Variants in GPR83 observed in about 807,000 individuals in gnomAD.
GPR83 encodes the protein G-protein coupled receptor 72.
GPR83 carries 23 observed loss-of-function variants against 28.0 expected under a neutral mutation model. That is an observed-to-expected ratio of 0.82 (90% CI 0.59 to 1.16). GPR83 has a LOEUF of 1.16. GPR83 is among the 50% of genes most tolerant of loss of function. GPR83 has a pLI of 0.00. For synonymous variants in GPR83, 234 were observed against 215.4 expected (o/e 1.09, Z -0.76); for missense variants, 610 against 536.6 (o/e 1.14, Z -1.35).
At position 94,380,420 on chromosome 11, in the gene GPR83, G is replaced by T. The variant is rs969953022; in HGVS notation, c.1001C>A (p.Ala334Asp). 4 of 1,614,074 alleles carry T rather than the reference G, an allele frequency of 2.5e-6. No individual in the cohort carries two copies. Among genetic ancestry groups the T allele is most frequent in the African/African-American group, 1.3e-5 (1 of 74,932 alleles). ...NALYFAFHWF[A>D]MSSTCYNPFI... ...GGGGTTATAGCAGGTGCTGCTCATGGCAAACCAGTGGAAGGCAAAGTAGAG... is the reference window on the plus strand; with the variant it reads ...GGGGTTATAGCAGGTGCTGCTCATGTCAAACCAGTGGAAGGCAAAGTAGAG... The change falls in exon 4 of 4, where the codon GCC becomes GAC. Residue 334 changes from alanine to aspartate, a missense_variant. Physicochemically the swap from Ala to Asp is moderately radical, Grantham distance 126. Transcript: ENST00000243673.
At position 94,380,460 on chromosome 11, in the gene GPR83, G is replaced by T; in HGVS notation, c.961C>A (p.Arg321Ser). The change falls in exon 4 of 4, where the codon CGC becomes AGC. Residue 321 changes from arginine to serine, a missense_variant. Transcript: ENST00000243673. Reference protein sequence around the residue: ...YVLLLSSKVIRTNNALYFAFH... With the variant: ...YVLLLSSKVISTNNALYFAFH... ...GCAAAGTAGAGGGCATTGTTGGTGCGGATGACCTTGCTGGACAGGAGGAGG... is the reference window on the plus strand; with the variant it reads ...GCAAAGTAGAGGGCATTGTTGGTGCTGATGACCTTGCTGGACAGGAGGAGG... 1 of 1,614,094 alleles carries T rather than the reference G, an allele frequency of 6.2e-7. No individual in the cohort carries two copies. Among genetic ancestry groups the T allele is most frequent in the Non-Finnish European group, 8.5e-7 (1 of 1,179,934 alleles).
At position 94,380,471 on chromosome 11, in the gene GPR83, C is replaced by T. The variant is rs1944674867; in HGVS notation, c.950G>A (p.Ser317Asn). Residue 317 changes from serine (S) to asparagine (N), a missense_variant, in exon 4 of 4, where the codon AGC becomes AAC. Coordinates refer to ENST00000243673, the MANE Select transcript of GPR83 (RefSeq NM_016540.4). ...GGCATTGTTGGTGCGGATGACCTTG[C>T]TGGACAGGAGGAGGACGTAGCAGTT... ...PLNCYVLLLS[S>N]KVIRTNNALY... The T allele has an allele frequency of 6.2e-7, 1 of 1,614,148 alleles. No homozygotes were observed. The highest frequency in any genetic ancestry group is 8.5e-7 in the Non-Finnish European group (1 of 1,179,984).
At chr11:94,390,427 G>A (rs190979452) in intron 3 of GPR83, among the ~76,000 whole-genome samples, 13 of 152,110 alleles carry the variant, frequency 8.5e-5, no homozygotes, top group Admixed American at 2.0e-4. Context: ...TAAGGATGCC[G>A]TCTCTCACCA....
At chr11:94,386,057 GA>G (rs1179207252) in intron 3 of GPR83, among the ~76,000 whole-genome samples, 1 of 152,172 alleles carries the variant, frequency 6.6e-6, no homozygotes, top group Non-Finnish European at 1.5e-5. Context: ...CACTCTTAAA[GA>G]AAAGAATTTT....
chr11:94,381,657 C>G (rs1591600329), intron 3 of GPR83, among the ~76,000 whole-genome samples: 1 of 151,792 alleles, frequency 6.6e-6, no homozygotes, highest in South Asian at 2.1e-4. Context: ...GAGAACCAAC[C>G]CCCCAGGAAG....
At chr11:94,388,861 G>T (rs1944785556) in intron 3 of GPR83, among the ~76,000 whole-genome samples, 1 of 152,120 alleles carries the variant, frequency 6.6e-6, no homozygotes, top group Non-Finnish European at 1.5e-5. Context: ...AGCCCACATT[G>T]CCAAGTCAAT....
Position 94,379,828 on chromosome 11 carries a change from C to T in GPR83, c.*321G>A. 2 of 204,554 alleles carry T rather than the reference C, an allele frequency of 9.8e-6. No individual in the cohort carries two copies. Among genetic ancestry groups the T allele is most frequent in the Non-Finnish European group, 9.8e-6 (1 of 101,574 alleles). 12.7% of individuals were successfully genotyped at this position (204,554 alleles called of 1,614,324 possible). On this transcript the variant is annotated 3_prime_UTR_variant, in exon 4 of 4. Transcript: ENST00000243673. ...AGGAAGGGCTGTAAGGCAGCAGCTGCCCCACAGATGGAGGCAGTTGAATGA... is the reference window on the plus strand; with the variant it reads ...AGGAAGGGCTGTAAGGCAGCAGCTGTCCCACAGATGGAGGCAGTTGAATGA...
chr11:94,389,740 A>T (rs555331078), intron 3 of GPR83, among the ~76,000 whole-genome samples: 5 of 152,242 alleles, frequency 3.3e-5, no homozygotes, highest in Non-Finnish European at 7.3e-5. Context: ...AACTAGTTCA[A>T]CCACTGTGGA....
At chr11:94,382,485 A>C (rs1944703019) in intron 3 of GPR83, among the ~76,000 whole-genome samples, 1 of 152,160 alleles carries the variant, frequency 6.6e-6, no homozygotes, top group Admixed American at 6.6e-5. Flanking sequence ...AAAGCTAACT[A>C]TCCTAAATAT....
intron 3 of GPR83, among the ~76,000 whole-genome samples, chr11:94,386,711 C>A (rs1944760804): frequency 6.6e-6 from 1 of 152,150 alleles, no homozygotes; most frequent in African/African-American, 2.4e-5. Flanking sequence ...GACTTAGACT[C>A]CCACACAATA....
At position 94,380,086 on chromosome 11, in the gene GPR83, T is replaced by G; in HGVS notation, c.*63A>C. 7.7e-7 allele frequency: 1 copy of G among 1,295,976 alleles called. No homozygotes were observed. The allele number at this position is 1,295,976 out of a possible 1,614,324, so 80.3% of individuals were successfully genotyped here. A position where few individuals can be genotyped will look rare whatever the true frequency, so the allele number is the denominator to read the frequency against. On this transcript the variant is annotated 3_prime_UTR_variant, in exon 4 of 4. Transcript: ENST00000243673. ...GCACTCTGAAGATCATGTGTGAGAA[T>G]AGGCTCTCTTTCCCTGCCTCAGGTG... is the stretch of plus-strand genomic sequence containing the variant.
At chr11:94,400,815 G>A in intron 1 of GPR83, 46 bp downstream of exon 1, 1 of 1,584,334 alleles carries the variant, frequency 6.3e-7, no homozygotes, top group Non-Finnish European at 8.6e-7. Flanking sequence ...AGAGAGGAAA[G>A]GGAGACGAAG....
At chr11:94,398,161 C>T (rs1180258818) in intron 1 of GPR83, among the ~76,000 whole-genome samples, 1 of 152,162 alleles carries the variant, frequency 6.6e-6, no homozygotes, top group African/African-American at 2.4e-5. Flanking sequence ...AACAGCTTTC[C>T]CAGTTCTCCA....
intron 3 of GPR83, among the ~76,000 whole-genome samples, chr11:94,385,351 T>A (rs1944742480): frequency 6.6e-6 from 1 of 152,204 alleles, no homozygotes. Flanking sequence ...GGACGGAGAA[T>A]GACTTTGATG....
intron 3 of GPR83, among the ~76,000 whole-genome samples, chr11:94,390,065 C>G (rs1296383968): frequency 6.6e-6 from 1 of 151,530 alleles, no homozygotes; most frequent in Non-Finnish European, 1.5e-5. Context: ...CAAACTATCA[C>G]AAGGACAAAA....
intron 2 of GPR83, among the ~76,000 whole-genome samples, chr11:94,394,519 AG>A (rs1290627594): frequency 2.0e-5 from 3 of 152,186 alleles, no homozygotes; most frequent in Non-Finnish European, 4.4e-5. Context: ...TTTTTGAAAA[AG>A]GCATTTGGGA....
At chr11:94,397,785 C>T (rs1944879631) in intron 1 of GPR83, among the ~76,000 whole-genome samples, 1 of 152,170 alleles carries the variant, frequency 6.6e-6, no homozygotes, top group Admixed American at 6.5e-5. Context: ...GGACAAAAGG[C>T]ATTGGCACTG....
chr11:94,381,824 GC>G (rs2134681998), intron 3 of GPR83, among the ~76,000 whole-genome samples: 1 of 152,220 alleles, frequency 6.6e-6, no homozygotes, highest in South Asian at 2.1e-4. Flanking sequence ...AAATAGGAAA[GC>G]CCAGTTACCT....
intron 3 of GPR83, among the ~76,000 whole-genome samples, chr11:94,383,930 C>A (rs1488005819): frequency 6.6e-6 from 1 of 152,186 alleles, no homozygotes; most frequent in Non-Finnish European, 1.5e-5. Context: ...ACCATTCCTT[C>A]TGAAACTATT....
Sources: gnomAD v4.1 joint callset for allele counts (sites outside exome capture counted in the v4.1 genomes callset) on GRCh38, gnomAD v4.1.1 for gene constraint, MANE v1.5 for transcripts, NCBI Gene and HGNC (gene_info 2026-07-23, HGNC 2026-07-21) for gene names.